STK3: variants seen among roughly 807,000 people sequenced by gnomAD.
STK3 encodes the protein serine/threonine kinase 3.
Under a neutral mutation model 58.0 loss-of-function variants are expected in STK3, and 41 were observed. The observed-to-expected ratio is 0.71, with a 90% CI of 0.55 to 0.92. The LOEUF (loss-of-function observed/expected upper bound fraction) is 0.92. Among genes scored for constraint, STK3 ranks in the 40% least tolerant of loss-of-function variants. The probability of loss-of-function intolerance (pLI) is 0.00; values close to 1 mark genes in which losing one functional copy is unlikely to be tolerated. For synonymous variants in STK3, 170 were observed against 191.0 expected, an observed-to-expected ratio of 0.89 and a Z score of 0.91; for missense variants, 479 against 602.7, an observed-to-expected ratio of 0.79 and a Z score of 2.15.
chr8:98,694,549 G>C (rs1226529774), intron 6 of STK3, among the ~76,000 whole-genome samples: 1 of 151,786 alleles, frequency 6.6e-6, no homozygotes, highest in Non-Finnish European at 1.5e-5. Flanking sequence ...CCCTTCCTTT[G>C]TCCATATGTT....
intron 3 of STK3, among the ~76,000 whole-genome samples, chr8:98,847,948 CAGAA>C (rs1386214515): frequency 2.6e-5 from 4 of 152,120 alleles, no homozygotes; most frequent in Non-Finnish European, 5.9e-5. Flanking sequence ...TGGTTACAGA[CAGAA>C]AGGGCCTCTC....
intron 6 of STK3, among the ~76,000 whole-genome samples, chr8:98,629,346 T>G (rs1254638653): frequency 1.3e-5 from 2 of 152,182 alleles, no homozygotes; most frequent in Non-Finnish European, 2.9e-5. Context: ...ACAGAAACCT[T>G]TTTTAAACCC....
At chr8:98,574,352 A>T (rs1265836596) in intron 8 of STK3, among the ~76,000 whole-genome samples, 1 of 152,194 alleles carries the variant, frequency 6.6e-6, no homozygotes, top group Non-Finnish European at 1.5e-5. Flanking sequence ...TGCTACAGTT[A>T]TGAGACAGCT....
chr8:98,764,186 A>G (rs1034827173), intron 3 of STK3, among the ~76,000 whole-genome samples: 5 of 152,244 alleles, frequency 3.3e-5, no homozygotes, highest in African/African-American at 1.2e-4. Flanking sequence ...ATTCTGCTAT[A>G]AAGTGGTACA....
At chr8:98,613,616 T>C (rs539636167) in intron 6 of STK3, among the ~76,000 whole-genome samples, 108 of 151,308 alleles carry the variant, frequency 7.1e-4, no homozygotes, top group African/African-American at 2.5e-3. Context: ...AAGAAAACTC[T>C]TAAAAAAAAT....
chr8:98,703,073 A>C (rs1260083975), intron 6 of STK3, among the ~76,000 whole-genome samples: 2 of 152,152 alleles, frequency 1.3e-5, no homozygotes, highest in Non-Finnish European at 2.9e-5. Flanking sequence ...AAACTTTAAA[A>C]ATTGAAATCT....
chr8:98,802,594 A>C (rs1403848028), intron 1 of STK3, among the ~76,000 whole-genome samples: 2 of 152,238 alleles, frequency 1.3e-5, no homozygotes, highest in African/African-American at 4.8e-5. Flanking sequence ...AAGATTTTTA[A>C]AGAGTAAACA....
In STK3 at chr8:98,930,537, C is replaced by T. The variant is rs1303960609; in HGVS notation, c.-79+11841G>A. Among the ~76,000 whole-genome samples the T allele has an allele frequency of 2.6e-5, 4 of 151,890 alleles. No homozygotes were observed. The East Asian group carries it at 7.7e-4, about 29-fold the overall frequency. ...TTAAAAGAAACCACTACTTATGTAG[C>T]TTAAAAAAAAATGGAAACAATGATT... On this transcript the variant is annotated intron_variant, in intron 1 of 1. Coordinates refer to the STK3 transcript ENST00000519420.
At chr8:98,382,073 T>C (rs1817738046) in intron 1 of STK3, among the ~76,000 whole-genome samples, 1 of 152,186 alleles carries the variant, frequency 6.6e-6, no homozygotes. Context: ...TCCATCCTTT[T>C]CAAAGAAAAA....
In STK3 at chr8:98,736,111, T is replaced by A. The variant is rs577767006; in HGVS notation, c.351+13165A>T. ...GCCTACCTAATAGTCAAAATAAACA[T>A]CATCATCACAGTAAAAATAGCATTT... is the stretch of plus-strand genomic sequence containing the variant. On this transcript the variant is annotated intron_variant, in intron 4 of 10. Transcript: ENST00000419617. Among the ~76,000 whole-genome samples the A allele has an allele frequency of 2.0e-5, 3 of 152,152 alleles. No individual in the cohort carries two copies. The South Asian group carries it at 6.2e-4, about 32-fold the overall frequency.
At chr8:98,370,342 A>AGTGTGTGT (rs35062643), downstream of STK3, among the ~76,000 whole-genome samples, 3,367 of 138,562 alleles carry the variant, frequency 0.024, 71 homozygotes, top group Middle Eastern at 0.05. Context: ...TGACCTCTGC[A>AGTGTGTGT]GTGTGTGTGT....
At chr8:98,856,483 C>CTGTG (rs1836690034) in intron 3 of STK3, among the ~76,000 whole-genome samples, 1 of 152,108 alleles carries the variant, frequency 6.6e-6, no homozygotes, top group African/African-American at 2.4e-5. Flanking sequence ...ATCAAGGAGA[C>CTGTG]GCAAACTGAA....
intron 1 of STK3, among the ~76,000 whole-genome samples, chr8:98,814,265 G>A (rs1302417579): frequency 6.6e-6 from 1 of 151,614 alleles, no homozygotes; most frequent in Admixed American, 6.6e-5. Flanking sequence ...TGGTCAGGCT[G>A]GTCTCGAACT....
chr8:98,391,056 C>A (rs1277628544), upstream of STK3, among the ~76,000 whole-genome samples: 2 of 152,148 alleles, frequency 1.3e-5, no homozygotes, highest in Non-Finnish European at 2.9e-5. Flanking sequence ...CTGCTTTTTC[C>A]CATGCAAGTT....
intron 6 of STK3, among the ~76,000 whole-genome samples, chr8:98,697,418 CT>C (rs1209118616): frequency 6.6e-6 from 1 of 152,068 alleles, no homozygotes; most frequent in African/African-American, 2.4e-5. Flanking sequence ...TGTGTTTGCT[CT>C]TGCTTTTCTA....
At chr8:98,599,014 C>G in intron 6 of STK3, 1 of 518,148 alleles carries the variant, frequency 1.9e-6, no homozygotes, top group Non-Finnish European at 2.5e-6. Context: ...AATGACTGAA[C>G]TTTATAATCT....
rs116038045 is a variant in STK3, at chr8:98,574,607, A to G, written c.948+5057T>C. ...TTCTAATGGAGTAAGCTGCAATGAG[A>G]TTTATAGGAGACCCACAAAGTGTTT... On this transcript the variant is annotated intron_variant, in intron 8 of 10. Coordinates refer to ENST00000419617, the MANE Select transcript of STK3 (RefSeq NM_006281.4). Among the ~76,000 whole-genome samples, 1,398 of 152,302 alleles carry G rather than the reference A, an allele frequency of 9.2e-3. 17 individuals carry two copies. Among genetic ancestry groups the G allele is most frequent in the African/African-American group, 0.032 (1,321 of 41,562 alleles).
chr8:98,607,476 T>C (rs1043559123), intron 6 of STK3, among the ~76,000 whole-genome samples: 1 of 152,252 alleles, frequency 6.6e-6, no homozygotes, highest in East Asian at 1.9e-4. Flanking sequence ...TTTTTGAATC[T>C]GTGAATTCAC....
downstream of STK3, among the ~76,000 whole-genome samples, chr8:98,367,121 G>A (rs145479283): frequency 5.5e-3 from 837 of 152,248 alleles, 5 homozygotes; most frequent in Non-Finnish European, 8.3e-3. Context: ...TGTAAAATGG[G>A]GATATTCATC....
Sources: gnomAD v4.1 joint callset for allele counts (sites outside exome capture counted in the v4.1 genomes callset) on GRCh38, gnomAD v4.1.1 for gene constraint, MANE v1.5 for transcripts, NCBI Gene and HGNC (gene_info 2026-07-23, HGNC 2026-07-21) for gene names.